FHIT: variants seen among roughly 807,000 people sequenced by gnomAD.
FHIT encodes the protein fragile histidine triad diadenosine triphosphatase.
FHIT carries 19 observed loss-of-function variants against 17.9 expected under a neutral mutation model. That is an observed-to-expected ratio of 1.06 (90% CI 0.74 to 1.56). FHIT has a LOEUF of 1.56. Ranked by LOEUF, FHIT falls within the 40% of genes most tolerant of loss-of-function variation. FHIT has a pLI of 0.00. For missense variants in FHIT, 248 were observed against 189.2 expected (o/e 1.31, Z -1.82); for synonymous variants, 81 against 69.7 (o/e 1.16, Z -0.81).
chr3:60,190,802 G>T (rs1172841136), intron 5 of FHIT, among the ~76,000 whole-genome samples: 1 of 151,992 alleles, frequency 6.6e-6, no homozygotes, highest in East Asian at 1.9e-4. Context: ...AATTAGCTGG[G>T]CATGGTAGTG....
intron 8 of FHIT, among the ~76,000 whole-genome samples, chr3:59,798,426 G>C (rs571384215): frequency 1.2e-4 from 18 of 152,272 alleles, no homozygotes; most frequent in African/African-American, 4.3e-4. Flanking sequence ...GAATGCTATG[G>C]TTCTGTGAGT....
intron 3 of FHIT, among the ~76,000 whole-genome samples, chr3:60,945,546 C>T (rs1553775575): frequency 6.6e-6 from 1 of 152,140 alleles, no homozygotes; most frequent in African/African-American, 2.4e-5. Context: ...GCATCCATCA[C>T]CATGCCCCGC....
At chr3:60,926,839 T>A (rs530526957) in intron 3 of FHIT, among the ~76,000 whole-genome samples, 1 of 151,236 alleles carries the variant, frequency 6.6e-6, no homozygotes, top group South Asian at 2.1e-4. Flanking sequence ...GAGAGAAGAA[T>A]CAAATAGACG....
intron 1 of FHIT, among the ~76,000 whole-genome samples, chr3:61,241,829 C>A (rs548367597): frequency 2.0e-5 from 3 of 152,054 alleles, no homozygotes; most frequent in Non-Finnish European, 2.9e-5. Context: ...TCTTCTATTC[C>A]CACTTATTCA....
rs149025853 is a variant in FHIT at position 60,467,148 on chromosome 3, G to A, written c.103+69712C>T. The stretch of plus-strand genomic sequence containing the variant: ...TTTCTTCTAGGTTTTCCAATTTATT[G>A]GTATATAGTAGCTCACAGTATCTTC... On this transcript the variant is annotated intron_variant, in intron 5 of 9. Coordinates refer to ENST00000492590, the MANE Select transcript of FHIT (RefSeq NM_002012.4). Among the ~76,000 whole-genome samples the A allele has an allele frequency of 3.3e-4, 50 of 151,722 alleles. No individual in the cohort carries two copies. In the East Asian group the frequency reaches 9.7e-3, roughly 29 times the overall value.
Position 60,880,383 on chromosome 3 carries a change from G to A in FHIT, c.-110-58372C>T, listed in dbSNP as rs1704904114. On this transcript the variant is annotated intron_variant, in intron 3 of 9. Transcript: ENST00000492590. ...TACAAGAAATTCTAAAGGGACTCCTGCATCTGGAAGCAAAAAATGATTATC... is the reference window on the plus strand; with the variant it reads ...TACAAGAAATTCTAAAGGGACTCCTACATCTGGAAGCAAAAAATGATTATC... Among the ~76,000 whole-genome samples, 3 of 152,332 alleles carry A rather than the reference G, an allele frequency of 2.0e-5. No homozygotes were observed. The South Asian group carries it at 6.2e-4, about 32-fold the overall frequency.
chr3:59,770,804 G>A (rs969317354), intron 8 of FHIT, among the ~76,000 whole-genome samples: 3 of 152,196 alleles, frequency 2.0e-5, no homozygotes, highest in African/African-American at 7.2e-5. Context: ...CTGTCAAGTG[G>A]CAGGGAAGGA....
chr3:60,533,103 A>T (rs930212986), intron 5 of FHIT, among the ~76,000 whole-genome samples: 1 of 152,018 alleles, frequency 6.6e-6, no homozygotes, highest in Non-Finnish European at 1.5e-5. Flanking sequence ...ATCTGCCATC[A>T]ATTCATTCAC....
At chr3:60,483,383 A>G (rs1242859902) in intron 5 of FHIT, among the ~76,000 whole-genome samples, 2 of 152,154 alleles carry the variant, frequency 1.3e-5, no homozygotes, top group East Asian at 3.8e-4. Flanking sequence ...TGAAAAAAGA[A>G]ACTGTAGGCC....
intron 4 of FHIT, among the ~76,000 whole-genome samples, chr3:60,788,674 G>T (rs183264186): frequency 6.6e-6 from 1 of 152,210 alleles, no homozygotes; most frequent in Non-Finnish European, 1.5e-5. Context: ...GACATTCACA[G>T]TATAGCCTAA....
chr3:60,751,521 A>G (rs1003042347), intron 4 of FHIT, among the ~76,000 whole-genome samples: 2 of 152,272 alleles, frequency 1.3e-5, no homozygotes, highest in East Asian at 1.9e-4. Context: ...AGGAATGCCA[A>G]TGATGGCATA....
intron 8 of FHIT, among the ~76,000 whole-genome samples, chr3:59,754,036 C>CT (rs1701067607): frequency 2.0e-5 from 3 of 151,848 alleles, no homozygotes; most frequent in Admixed American, 1.3e-4. Flanking sequence ...TAATAAATGA[C>CT]TTTTGCTATC....
At chr3:60,155,524 G>C (rs1036442908) in intron 5 of FHIT, among the ~76,000 whole-genome samples, 25 of 152,122 alleles carry the variant, frequency 1.6e-4, no homozygotes, top group African/African-American at 6.0e-4. Context: ...TTGCAGAACT[G>C]CCCATCTCTC....
At chr3:60,508,371 T>C (rs1472876491) in intron 5 of FHIT, among the ~76,000 whole-genome samples, 2 of 152,196 alleles carry the variant, frequency 1.3e-5, no homozygotes, top group East Asian at 3.9e-4. Context: ...ACTTAATTTA[T>C]CAATTAGGTT....
chr3:59,775,589 A>C (rs1702271858), intron 8 of FHIT, among the ~76,000 whole-genome samples: 1 of 152,198 alleles, frequency 6.6e-6, no homozygotes, highest in Non-Finnish European at 1.5e-5. Context: ...CTTTTAAAAA[A>C]ACTTGTTACC....
At chr3:60,250,924 CA>C (rs1157727244) in intron 5 of FHIT, among the ~76,000 whole-genome samples, 2 of 152,096 alleles carry the variant, frequency 1.3e-5, no homozygotes, top group African/African-American at 4.8e-5. Flanking sequence ...CAGATAATCC[CA>C]AAAACTCATT....
chr3:60,616,084 C>A (rs1553675789), intron 4 of FHIT, among the ~76,000 whole-genome samples: 1 of 152,168 alleles, frequency 6.6e-6, no homozygotes, highest in African/African-American at 2.4e-5. Context: ...GGTCACAATT[C>A]TTGGGACTAC....
intron 3 of FHIT, among the ~76,000 whole-genome samples, chr3:60,960,033 G>A (rs1316662579): frequency 6.6e-6 from 1 of 151,360 alleles, no homozygotes; most frequent in Non-Finnish European, 1.5e-5. Flanking sequence ...AATATAAGGT[G>A]ATTATCTCTG....
At chr3:61,104,989 C>T (rs1243277436) in intron 2 of FHIT, among the ~76,000 whole-genome samples, 4 of 152,012 alleles carry the variant, frequency 2.6e-5, no homozygotes, top group African/African-American at 9.7e-5. Context: ...TGATTTTTAG[C>T]TTCCTTGTAT....
Sources: allele counts gnomAD v4.1 joint callset (sites outside exome capture counted in the v4.1 genomes callset), GRCh38; gene constraint gnomAD v4.1.1; transcripts MANE v1.5; gene names NCBI Gene and HGNC (gene_info 2026-07-23, HGNC 2026-07-21).